Variants in GRM1 observed in about 807,000 individuals in gnomAD.
GRM1 encodes glutamate metabotropic receptor 1, also known as metabotropic glutamate receptor 1.
In GRM1, 33 loss-of-function variants were observed where a neutral mutation model predicts 90.9. The observed-to-expected ratio is 0.36, with a 90% CI of 0.28 to 0.49. GRM1 has a LOEUF of 0.49. Ranked by LOEUF, GRM1 falls within the 20% of genes least tolerant of loss-of-function variation. The pLI is 0.99. For synonymous variants in GRM1, 700 were observed against 613.2 expected, an observed-to-expected ratio of 1.14 and a Z score of -2.09; for missense variants, 1,190 against 1,534.3, an observed-to-expected ratio of 0.78 and a Z score of 3.75.
chr6:146,410,098 G>C (rs1777507479), intron 7 of GRM1, among the ~76,000 whole-genome samples: 1 of 152,072 alleles, frequency 6.6e-6, no homozygotes, highest in Non-Finnish European at 1.5e-5. Context: ...AAAAAATATA[G>C]ACTTATGTAA....
chr6:146,244,428 C>A (rs1780982073), intron 2 of GRM1, among the ~76,000 whole-genome samples: 3 of 152,204 alleles, frequency 2.0e-5, no homozygotes, highest in African/African-American at 4.8e-5. Context: ...GGGTCCCTGA[C>A]TTCCATTAAC....
intron 3 of GRM1, among the ~76,000 whole-genome samples, chr6:146,309,405 A>G (rs935395571): frequency 6.6e-6 from 1 of 152,054 alleles, no homozygotes; most frequent in Admixed American, 6.5e-5. Flanking sequence ...TCTCAAAAAA[A>G]AAAAAACAGA....
At chr6:146,214,508 C>A (rs948182366) in intron 2 of GRM1, among the ~76,000 whole-genome samples, 1 of 151,930 alleles carries the variant, frequency 6.6e-6, no homozygotes, top group Middle Eastern at 3.2e-3. Flanking sequence ...TTAGAATAAA[C>A]CGCAAAAAGT....
At chr6:146,270,661 A>G (rs1466788789) in intron 2 of GRM1, among the ~76,000 whole-genome samples, 1 of 152,174 alleles carries the variant, frequency 6.6e-6, no homozygotes, top group Non-Finnish European at 1.5e-5. Context: ...GTTGGTCACA[A>G]TGTTGGTGAC....
At position 146,269,124 on chromosome 6, in the gene GRM1, G is replaced by A. The variant is rs528316650; in HGVS notation, c.951-35487G>A. 3.9e-5 allele frequency among the ~76,000 whole-genome samples: 6 copies of A among 152,254 alleles called. No individual in the cohort carries two copies. In the South Asian group the frequency reaches 6.2e-4, roughly 16 times the overall value. On this transcript the variant is annotated intron_variant, in intron 2 of 7. Transcript: ENST00000282753. ...TAAGGAAAGAGGCTTGTTTTTATCC[G>A]CCCTGACTGCTTCTTCTGAAGCAAA...
At chr6:146,199,884 G>T (rs1051364881) in intron 2 of GRM1, among the ~76,000 whole-genome samples, 1 of 152,132 alleles carries the variant, frequency 6.6e-6, no homozygotes, top group African/African-American at 2.4e-5. Flanking sequence ...GGGCATGGTG[G>T]CACACGTCTG....
At chr6:146,201,780 G>A (rs573552017) in intron 2 of GRM1, among the ~76,000 whole-genome samples, 1 of 152,304 alleles carries the variant, frequency 6.6e-6, no homozygotes, top group African/African-American at 2.4e-5. Context: ...AGAGGCTAAG[G>A]CTTCAAGAAG....
intron 6 of GRM1, among the ~76,000 whole-genome samples, chr6:146,397,910 A>G (rs1777024099): frequency 6.6e-6 from 1 of 152,238 alleles, no homozygotes; most frequent in South Asian, 2.1e-4. Flanking sequence ...AAATGACTTT[A>G]TTCTCACAAT....
At chr6:146,260,999 T>C (rs576931772) in intron 2 of GRM1, among the ~76,000 whole-genome samples, 3 of 151,888 alleles carry the variant, frequency 2.0e-5, no homozygotes, top group South Asian at 2.1e-4. Flanking sequence ...AAGCCATTAA[T>C]TGAAATTTTT....
At chr6:146,200,704 TG>T (rs1234325993) in intron 2 of GRM1, among the ~76,000 whole-genome samples, 3 of 151,484 alleles carry the variant, frequency 2.0e-5, no homozygotes, top group Non-Finnish European at 4.4e-5. Flanking sequence ...AATTTTTTGG[TG>T]GGGGGGATGG....
At chr6:146,061,759 G>T (rs1775678003) in intron 1 of GRM1, among the ~76,000 whole-genome samples, 1 of 151,896 alleles carries the variant, frequency 6.6e-6, no homozygotes, top group African/African-American at 2.4e-5. Context: ...AAATCACTAT[G>T]ATGATGAGCT....
At position 146,304,991 on chromosome 6, in the gene GRM1, G is replaced by A. The variant is rs1019270411; in HGVS notation, c.1186+145G>A. 11 of 707,570 alleles carry A rather than the reference G, an allele frequency of 1.6e-5. No individual in the cohort carries two copies. In the African/African-American group the frequency reaches 1.9e-4, roughly 12 times the overall value. The allele number at this position is 707,570 out of a possible 1,614,324, so 43.8% of individuals were successfully genotyped here. On this transcript the variant is annotated intron_variant, in intron 3 of 7. Coordinates refer to ENST00000282753, the MANE Select transcript of GRM1 (RefSeq NM_001278064.2). The stretch of plus-strand genomic sequence containing the variant: ...CTGTGTTTATAAAATGCTAGAATAA[G>A]GAGGAATTGTGTATTACCCCAGGGA...
intron 1 of GRM1, among the ~76,000 whole-genome samples, chr6:146,148,101 G>T (rs1777178590): frequency 6.6e-6 from 1 of 152,116 alleles, no homozygotes; most frequent in Non-Finnish European, 1.5e-5. Flanking sequence ...CCTTTGGGAA[G>T]AAAAATTGTT....
At chr6:146,176,688 A>G (rs972871650) in intron 2 of GRM1, among the ~76,000 whole-genome samples, 4 of 152,096 alleles carry the variant, frequency 2.6e-5, no homozygotes, top group Non-Finnish European at 4.4e-5. Flanking sequence ...CTAAGCAACA[A>G]TGAAGTTGTA....
At chr6:146,235,544 G>GT (rs768524355) in intron 2 of GRM1, among the ~76,000 whole-genome samples, 28 of 151,652 alleles carry the variant, frequency 1.8e-4, no homozygotes, top group African/African-American at 4.8e-4. Context: ...GTTGTTTGGT[G>GT]TTTTTTTCAC....
rs929167825 is a variant in GRM1 at position 146,110,317 on chromosome 6, T to C, written c.701-49031T>C. Among the ~76,000 whole-genome samples the C allele has an allele frequency of 5.3e-5, 8 of 152,276 alleles. 1 individual carries two copies. The highest frequency in any genetic ancestry group is 4.6e-4 in the Admixed American group (7 of 15,298). On this transcript the variant is annotated intron_variant, in intron 1 of 7. Coordinates refer to ENST00000282753, the MANE Select transcript of GRM1 (RefSeq NM_001278064.2). The stretch of plus-strand genomic sequence containing the variant: ...CTTTCCCATGCTGTTCTCATGATAG[T>C]GAATGAGTCTCATGGGATCTCATAG...
intron 2 of GRM1, among the ~76,000 whole-genome samples, chr6:146,233,112 G>A (rs1335328783): frequency 6.6e-6 from 1 of 151,828 alleles, no homozygotes; most frequent in Non-Finnish European, 1.5e-5. Context: ...CAATGTCATT[G>A]ACTTCTGATT....
At chr6:146,030,253 AAGTC>A in intron 1 of GRM1, 36 bp downstream of exon 1, 1 of 1,364,462 alleles carries the variant, frequency 7.3e-7, no homozygotes, top group South Asian at 1.2e-5. Flanking sequence ...GGTACTGAGA[AAGTC>A]AGGGCAATGC....
intron 2 of GRM1, among the ~76,000 whole-genome samples, chr6:146,250,119 C>A (rs538124345): frequency 1.3e-5 from 2 of 152,140 alleles, no homozygotes; most frequent in African/African-American, 4.8e-5. Flanking sequence ...ATTTTATAGG[C>A]GCATAGGTGG....
Sources: allele counts gnomAD v4.1 joint callset (sites outside exome capture counted in the v4.1 genomes callset), GRCh38; gene constraint gnomAD v4.1.1; transcripts MANE v1.5; gene names NCBI Gene and HGNC (gene_info 2026-07-23, HGNC 2026-07-21).